The following RBM19 variants were observed in gnomAD, a reference collection of about 807,000 sequenced individuals.
RBM19 encodes the protein RNA binding motif protein 19.
RBM19 carries 94 observed loss-of-function variants against 116.8 expected under a neutral mutation model. The ratio of observed to expected loss-of-function variants is 0.80; its 90% CI spans 0.68 to 0.95. RBM19 has a LOEUF of 0.95. Among genes scored for constraint, RBM19 ranks in the 40% least tolerant of loss-of-function variants. The probability of loss-of-function intolerance (pLI) is 0.00; values close to 1 mark genes in which losing one functional copy is unlikely to be tolerated. For missense variants in RBM19, 1,161 were observed against 1,220.7 expected, an observed-to-expected ratio of 0.95 and a Z score of 0.73; for synonymous variants, 475 against 494.1, an observed-to-expected ratio of 0.96 and a Z score of 0.51.
chr12:113,957,822 A>C lies in RBM19; in HGVS notation c.800T>G (p.Met267Arg), dbSNP rs1031626267. 8.7e-6 allele frequency: 14 copies of C among 1,608,482 alleles called. No individual in the cohort carries two copies. Among genetic ancestry groups the C allele is most frequent in the Non-Finnish European group, 1.2e-5 (14 of 1,176,762 alleles). ...DSKGAGQEQG[M>R]PAGKKRPPEA... ...CGGTGGTCTCTTTTTCCCAGCTGGC[A>C]TCCCTTGCTCTTGGCCTGCACCCTT... The change falls in exon 6 of 24, where the codon ATG (methionine) becomes AGG (arginine). Residue 267 changes from methionine (M) to arginine (R), a missense_variant. Coordinates refer to ENST00000261741, the MANE Select transcript of RBM19 (RefSeq NM_016196.4).
chr12:113,881,571 T>C (rs1370434478), intron 21 of RBM19, among the ~76,000 whole-genome samples: 1 of 152,144 alleles, frequency 6.6e-6, no homozygotes, highest in Non-Finnish European at 1.5e-5. Flanking sequence ...GAGCCTGGAG[T>C]GTCTTTCTTT....
Position 113,858,899 on chromosome 12 carries a change from A to G in RBM19, c.2559-3T>C, listed in dbSNP as rs765191055. On this transcript the variant is annotated splice_polypyrimidine_tract_variant and splice_region_variant and intron_variant, in intron 21 of 23. Coordinates refer to ENST00000261741, the MANE Select transcript of RBM19 (RefSeq NM_016196.4). ...CCGTCTTCAACTCCCCAAAGGTGCT[A>G]GAAACAAAAGGCAAGACATAGGGGT... The G allele has an allele frequency of 1.9e-6, 3 of 1,614,050 alleles. No homozygotes were observed. Among genetic ancestry groups the G allele is most frequent in the Admixed American group, 3.3e-5 (2 of 60,020 alleles).
At chr12:113,868,982 C>T (rs1406636751) in intron 21 of RBM19, among the ~76,000 whole-genome samples, 3 of 152,324 alleles carry the variant, frequency 2.0e-5, no homozygotes, top group Non-Finnish European at 2.9e-5. Flanking sequence ...CTCCAACCAA[C>T]GTCCCCCAGC....
At chr12:113,832,434 C>G (rs1035771349) in intron 23 of RBM19, among the ~76,000 whole-genome samples, 1 of 152,218 alleles carries the variant, frequency 6.6e-6, no homozygotes, top group Non-Finnish European at 1.5e-5. Flanking sequence ...AAGTGATCCA[C>G]CCACCTTGGC....
intron 21 of RBM19, among the ~76,000 whole-genome samples, chr12:113,875,602 G>A (rs1287933652): frequency 6.6e-6 from 1 of 152,194 alleles, no homozygotes; most frequent in African/African-American, 2.4e-5. Flanking sequence ...GTAGGTGGGA[G>A]TCTCTTTTCT....
intron 21 of RBM19, among the ~76,000 whole-genome samples, chr12:113,880,185 A>AAAAAC (rs1294770869): frequency 2.6e-5 from 4 of 152,132 alleles, no homozygotes; most frequent in Admixed American, 1.3e-4. Flanking sequence ...TTATGCCCAA[A>AAAAAC]AAAACAAAAC....
intron 21 of RBM19, among the ~76,000 whole-genome samples, chr12:113,864,269 G>A (rs1163468658): frequency 1.3e-5 from 2 of 152,174 alleles, no homozygotes; most frequent in African/African-American, 4.8e-5. Context: ...GTCACCAGCA[G>A]GTCAAGTATT....
At chr12:113,853,263 T>G (rs1464448926) in intron 22 of RBM19, among the ~76,000 whole-genome samples, 2 of 152,216 alleles carry the variant, frequency 1.3e-5, no homozygotes, top group African/African-American at 2.4e-5. Context: ...ATGAAAGCTG[T>G]GGTTGTTTAC....
chr12:113,922,748 G>A (rs1277395528), intron 18 of RBM19, among the ~76,000 whole-genome samples: 2 of 152,024 alleles, frequency 1.3e-5, no homozygotes, highest in African/African-American at 2.4e-5. Flanking sequence ...GGTGAACAGT[G>A]TCTTCCCAGA....
At chr12:113,963,616 A>C (rs1045273282) in intron 1 of RBM19, among the ~76,000 whole-genome samples, 1 of 152,258 alleles carries the variant, frequency 6.6e-6, no homozygotes, top group African/African-American at 2.4e-5. Context: ...CAAGGCCTAC[A>C]GAATCAAGGT....
chr12:113,960,867 G>A (rs1387049541), intron 2 of RBM19, among the ~76,000 whole-genome samples: 1 of 152,182 alleles, frequency 6.6e-6, no homozygotes, highest in Non-Finnish European at 1.5e-5. Flanking sequence ...CTGAGCTGAC[G>A]CACTATTCAG....
chr12:113,854,576 G>T (rs1423004342), intron 22 of RBM19, among the ~76,000 whole-genome samples: 10 of 152,144 alleles, frequency 6.6e-5, no homozygotes, highest in Admixed American at 6.5e-4. Flanking sequence ...CATTTTCAGA[G>T]GGACTGACAT....
Position 113,898,598 on chromosome 12 carries a change from A to G in RBM19, c.2558+16371T>C, listed in dbSNP as rs1881495195. Among the ~76,000 whole-genome samples the G allele has an allele frequency of 6.6e-6, 1 of 152,238 alleles. No homozygotes were observed. The highest frequency in any genetic ancestry group is 6.5e-5 in the Admixed American group (1 of 15,290). The stretch of plus-strand genomic sequence containing the variant: ...AGAACCAATAAGCACCGCTGCATGA[A>G]AACGGGTGTTTGATGACCGGCAAGA... On this transcript the variant is annotated intron_variant, in intron 21 of 23. Coordinates refer to ENST00000261741, the MANE Select transcript of RBM19 (RefSeq NM_016196.4). This position sits in a 1 kb window ranked among gnomAD's most constrained non-coding sequence, Gnocchi z 4.3.
chr12:113,831,865 T>C (rs371507934), intron 23 of RBM19, among the ~76,000 whole-genome samples: 1 of 152,154 alleles, frequency 6.6e-6, no homozygotes, highest in South Asian at 2.1e-4. Flanking sequence ...GACTGGGCGA[T>C]ACCTGCTCCA....
At chr12:113,827,969 C>T (rs1345904251) in intron 23 of RBM19, among the ~76,000 whole-genome samples, 4 of 151,892 alleles carry the variant, frequency 2.6e-5, no homozygotes, top group South Asian at 4.2e-4. Context: ...GTGCCTAGCA[C>T]ACGGCAAGCT....
chr12:113,887,634 CA>C (rs35665613), intron 21 of RBM19, among the ~76,000 whole-genome samples: 5 of 71,172 alleles, frequency 7.0e-5, no homozygotes, highest in Non-Finnish European at 9.8e-5. Context: ...GACTCCATCT[CA>C]AAAAAAAAAA....
At chr12:113,932,906 T>C (rs752987916) in intron 16 of RBM19, among the ~76,000 whole-genome samples, 2 of 152,006 alleles carry the variant, frequency 1.3e-5, no homozygotes, top group South Asian at 2.1e-4. Flanking sequence ...CTTCCATCTG[T>C]AGTTAGCACA....
intron 21 of RBM19, among the ~76,000 whole-genome samples, chr12:113,884,112 C>CAAAAAAAA (rs1273858250): frequency 1.1e-4 from 8 of 72,024 alleles, no homozygotes; most frequent in East Asian, 4.0e-4. Flanking sequence ...CCATCTCTAC[C>CAAAAAAAA]AAAAAAAAAA....
chr12:113,921,807 G>A (rs1164130475), intron 18 of RBM19, among the ~76,000 whole-genome samples: 2 of 152,200 alleles, frequency 1.3e-5, no homozygotes, highest in East Asian at 3.8e-4. Flanking sequence ...GTGACTGTGT[G>A]AAAGGCAACT....
Sources: allele counts gnomAD v4.1 joint callset (sites outside exome capture counted in the v4.1 genomes callset), GRCh38; gene constraint gnomAD v4.1.1; non-coding constraint Gnocchi (gnomAD v3.1); transcripts MANE v1.5; gene names NCBI Gene and HGNC (gene_info 2026-07-23, HGNC 2026-07-21).